The following ZNF148 variants were observed in gnomAD, a reference collection of about 807,000 sequenced individuals.
ZNF148 encodes zinc finger protein 148.
In ZNF148, 7 loss-of-function variants were observed where a neutral mutation model predicts 67.7. The ratio of observed to expected loss-of-function variants is 0.10; its 90% CI spans 0.06 to 0.19. The LOEUF is 0.19. ZNF148 is among the 10% of genes least tolerant of loss of function. ZNF148 has a pLI of 1.00. For synonymous variants in ZNF148, 333 were observed against 330.7 expected (o/e 1.01, Z -0.08); for missense variants, 583 against 947.1 (o/e 0.62, Z 5.05).
At chr3:125,321,922 C>T (rs780047893) in intron 3 of ZNF148, among the ~76,000 whole-genome samples, 6 of 150,924 alleles carry the variant, frequency 4.0e-5, no homozygotes, top group Non-Finnish European at 8.8e-5. Flanking sequence ...GTGCACATAC[C>T]ACTATGCCTA....
chr3:125,320,292 C>T (rs1184195589), intron 3 of ZNF148, among the ~76,000 whole-genome samples: 4 of 152,074 alleles, frequency 2.6e-5, no homozygotes, highest in African/African-American at 9.7e-5. Context: ...CCTAATGATA[C>T]ACCTGTATCA....
intron 4 of ZNF148, among the ~76,000 whole-genome samples, chr3:125,293,062 T>C (rs1360624859): frequency 6.6e-6 from 1 of 152,234 alleles, no homozygotes; most frequent in Non-Finnish European, 1.5e-5. Context: ...TGCTAACATG[T>C]AGTAAGTTTT....
chr3:125,247,489 T>G (rs1262588312), intron 7 of ZNF148, among the ~76,000 whole-genome samples: 1 of 151,856 alleles, frequency 6.6e-6, no homozygotes, highest in East Asian at 1.9e-4. Context: ...CAGGCTAGAG[T>G]GCAGTGGCGC....
intron 7 of ZNF148, among the ~76,000 whole-genome samples, chr3:125,237,227 G>A (rs1333766240): frequency 1.3e-5 from 2 of 152,136 alleles, no homozygotes; most frequent in Non-Finnish European, 2.9e-5. Flanking sequence ...GATGGGAAGG[G>A]AAGGAGATTA....
intron 1 of ZNF148, among the ~76,000 whole-genome samples, chr3:125,350,506 A>C (rs1407412069): frequency 6.6e-6 from 1 of 152,248 alleles, no homozygotes; most frequent in Admixed American, 6.5e-5. Flanking sequence ...TAACTACAGC[A>C]GTAGTCCCCA....
At chr3:125,306,665 G>A (rs1939894797) in intron 4 of ZNF148, among the ~76,000 whole-genome samples, 1 of 151,830 alleles carries the variant, frequency 6.6e-6, no homozygotes, top group African/African-American at 2.4e-5. Context: ...AGACAAGTCT[G>A]GACAACATAG....
intron 2 of ZNF148, among the ~76,000 whole-genome samples, chr3:125,328,121 G>A (rs1941108842): frequency 6.6e-6 from 1 of 151,414 alleles, no homozygotes; most frequent in African/African-American, 2.4e-5. Context: ...AAAGACACCT[G>A]GCCAAACTAA....
intron 1 of ZNF148, among the ~76,000 whole-genome samples, chr3:125,364,421 A>C (rs968614617): frequency 1.3e-5 from 2 of 152,204 alleles, no homozygotes; most frequent in Non-Finnish European, 2.9e-5. Context: ...CAGACTTCAA[A>C]AAACTTGAAA....
chr3:125,357,308 GCA>G (rs1942381888), intron 1 of ZNF148: 1 of 108,260 alleles, frequency 9.2e-6, no homozygotes, highest in Non-Finnish European at 1.9e-5. Flanking sequence ...GGGCGCACGC[GCA>G]CAGACACACG....
chr3:125,293,622 C>A (rs201961909), intron 4 of ZNF148, among the ~76,000 whole-genome samples: 1 of 152,126 alleles, frequency 6.6e-6, no homozygotes, highest in South Asian at 2.1e-4. Context: ...GAAAGAGCTC[C>A]TAATGACCAA....
At chr3:125,325,996 C>T (rs1941000777) in intron 2 of ZNF148, among the ~76,000 whole-genome samples, 1 of 152,094 alleles carries the variant, frequency 6.6e-6, no homozygotes, top group African/African-American at 2.4e-5. Flanking sequence ...GCAAGAAAGA[C>T]AGGGAAATCA....
intron 5 of ZNF148, among the ~76,000 whole-genome samples, chr3:125,281,120 T>C (rs1266181708): frequency 6.6e-6 from 1 of 152,198 alleles, no homozygotes; most frequent in South Asian, 2.1e-4. Flanking sequence ...TACAGGGCAT[T>C]TGGATTCTGG....
At chr3:125,281,218 T>G (rs1938367860) in intron 5 of ZNF148, among the ~76,000 whole-genome samples, 1 of 152,128 alleles carries the variant, frequency 6.6e-6, no homozygotes, top group South Asian at 2.1e-4. Flanking sequence ...TGGAAGTGGG[T>G]GTCACAGCTT....
chr3:125,273,758 C>T (rs1028582291), intron 7 of ZNF148, among the ~76,000 whole-genome samples: 4 of 152,028 alleles, frequency 2.6e-5, no homozygotes, highest in Admixed American at 6.6e-5. Flanking sequence ...GGGATTACAG[C>T]GTGAGCCACC....
intron 7 of ZNF148, among the ~76,000 whole-genome samples, chr3:125,239,683 G>T (rs9882766): frequency 0.77 from 117,230 of 152,130 alleles, 45,725 homozygotes; most frequent in African/African-American, 0.85. Flanking sequence ...CTAAAAATGT[G>T]AAGTTCACAC....
At chr3:125,349,504 A>G (rs1942062676) in intron 1 of ZNF148, among the ~76,000 whole-genome samples, 1 of 152,238 alleles carries the variant, frequency 6.6e-6, no homozygotes, top group Admixed American at 6.5e-5. Flanking sequence ...ATCATCAGGA[A>G]TATGCAAATC....
chr3:125,283,786 A>C (rs979759533), intron 5 of ZNF148, among the ~76,000 whole-genome samples: 1 of 152,128 alleles, frequency 6.6e-6, no homozygotes, highest in Admixed American at 6.5e-5. Flanking sequence ...ACATAATTCA[A>C]TCTTTCTGAT....
intron 4 of ZNF148, among the ~76,000 whole-genome samples, chr3:125,302,146 G>A (rs1403832202): frequency 6.6e-6 from 1 of 152,024 alleles, no homozygotes; most frequent in African/African-American, 2.4e-5. Flanking sequence ...GGAGGCCAAG[G>A]TGGGAGGATC....
intron 1 of ZNF148, among the ~76,000 whole-genome samples, chr3:125,337,534 T>G (rs560367130): frequency 1.3e-5 from 2 of 152,320 alleles, no homozygotes; most frequent in Admixed American, 1.3e-4. Flanking sequence ...ACATTAATTT[T>G]GTAAATAATC....
Sources: gnomAD v4.1 joint callset for allele counts (sites outside exome capture counted in the v4.1 genomes callset) on GRCh38, gnomAD v4.1.1 for gene constraint, MANE v1.5 for transcripts, NCBI Gene and HGNC (gene_info 2026-07-23, HGNC 2026-07-21) for gene names.